SEMA3A: variants seen among roughly 807,000 people sequenced by gnomAD.
SEMA3A encodes semaphorin 3A, also known as semaphorin-3A.
Under a neutral mutation model 97.9 loss-of-function variants are expected in SEMA3A, and 29 were observed. The observed-to-expected ratio is 0.30, with a 90% CI of 0.22 to 0.40. SEMA3A has a LOEUF of 0.40. SEMA3A is among the 10% of genes least tolerant of loss of function. The pLI, the probability that SEMA3A is intolerant of heterozygous loss-of-function variation, is 1.00. For missense variants in SEMA3A, 763 were observed against 951.3 expected (o/e 0.80, Z 2.60); for synonymous variants, 321 against 323.7 (o/e 0.99, Z 0.09).
Position 84,011,017 on chromosome 7 carries a change from C to T in SEMA3A, c.995+5G>A, listed in dbSNP as rs2116412463. The stretch of plus-strand genomic sequence containing the variant: ...TTTCTATAAGGTAGTTAAAAAGTTA[C>T]TTACCTGGAAGTCGTAAACACTCCA... On this transcript the variant is annotated splice_donor_5th_base_variant and intron_variant, in intron 9 of 16. Transcript: ENST00000265362. The T allele has an allele frequency of 6.3e-7, 1 of 1,589,996 alleles. No individual in the cohort carries two copies. The highest frequency in any genetic ancestry group is 1.1e-5 in the South Asian group (1 of 89,656).
chr7:84,087,197 G>C (rs1427604971), intron 4 of SEMA3A, among the ~76,000 whole-genome samples: 1 of 152,064 alleles, frequency 6.6e-6, no homozygotes, highest in Non-Finnish European at 1.5e-5. Context: ...TGTAGTAAGA[G>C]GTTAGTACTC....
At chr7:84,323,458 T>C (rs1484274025) in intron 2 of SEMA3A, among the ~76,000 whole-genome samples, 1 of 152,136 alleles carries the variant, frequency 6.6e-6, no homozygotes, top group Non-Finnish European at 1.5e-5. Context: ...GTACAATTCC[T>C]TTCTTATAAA....
chr7:84,079,774 C>A (rs1794084736), intron 4 of SEMA3A, among the ~76,000 whole-genome samples: 1 of 115,798 alleles, frequency 8.6e-6, no homozygotes, highest in African/African-American at 4.4e-5. Context: ...ACTAGTTCAA[C>A]CATTGTGGAA....
At chr7:84,196,341 G>A (rs1312574672), upstream of SEMA3A, among the ~76,000 whole-genome samples, 2 of 145,482 alleles carry the variant, frequency 1.4e-5, no homozygotes, top group East Asian at 2.1e-4. Context: ...CACAGCGCTC[G>A]CTCGCTCTGC....
chr7:84,091,124 G>A (rs369426283), intron 4 of SEMA3A, among the ~76,000 whole-genome samples: 7 of 51,036 alleles, frequency 1.4e-4, no homozygotes, highest in East Asian at 6.0e-4. Context: ...GAAAGAAAAA[G>A]AAAGAAAGAA....
intron 1 of SEMA3A, among the ~76,000 whole-genome samples, chr7:84,381,501 T>A (rs1442476664): frequency 6.6e-6 from 1 of 152,136 alleles, no homozygotes; most frequent in African/African-American, 2.4e-5. Flanking sequence ...TAACTCAAAA[T>A]CTCTGGCCTT....
At chr7:84,062,428 G>A (rs1204632860) in intron 4 of SEMA3A, among the ~76,000 whole-genome samples, 3 of 152,198 alleles carry the variant, frequency 2.0e-5, no homozygotes, top group East Asian at 1.9e-4. Context: ...CAAGATGGCC[G>A]AATAGGAACA....
chr7:83,990,993 C>A (rs1461121399), intron 12 of SEMA3A, among the ~76,000 whole-genome samples: 46 of 151,790 alleles, frequency 3.0e-4, no homozygotes, highest in South Asian at 2.1e-4. Flanking sequence ...CTTTTATTTC[C>A]TTGAGCAGTG....
At chr7:84,380,148 C>T (rs1478016580) in intron 1 of SEMA3A, among the ~76,000 whole-genome samples, 1 of 152,094 alleles carries the variant, frequency 6.6e-6, no homozygotes, top group Non-Finnish European at 1.5e-5. Flanking sequence ...TAATTATTTA[C>T]ATCATAACAA....
chr7:84,231,481 G>C (rs544701792), intron 3 of SEMA3A, among the ~76,000 whole-genome samples: 1 of 151,980 alleles, frequency 6.6e-6, no homozygotes, highest in Admixed American at 6.6e-5. Context: ...ATTTTTCTGG[G>C]AGTGGAAAGT....
intron 3 of SEMA3A, among the ~76,000 whole-genome samples, chr7:84,215,175 T>TTTTA (rs201565967): frequency 0.034 from 5,086 of 151,182 alleles, 111 homozygotes; most frequent in South Asian, 0.046. Flanking sequence ...CTGGCCCTTA[T>TTTTA]TTTATTTATT....
At chr7:84,119,534 C>A (rs1055304333) in intron 3 of SEMA3A, among the ~76,000 whole-genome samples, 1 of 152,072 alleles carries the variant, frequency 6.6e-6, no homozygotes, top group Admixed American at 6.6e-5. Context: ...AGTGTTATTG[C>A]ACAAATGATT....
intron 3 of SEMA3A, among the ~76,000 whole-genome samples, chr7:84,270,575 T>C (rs1187143433): frequency 4.7e-5 from 7 of 147,704 alleles, no homozygotes; most frequent in Non-Finnish European, 7.5e-5. Context: ...ATAATTCATA[T>C]TCATAAATAT....
chr7:84,471,851 C>T (rs1407432533), intron 1 of SEMA3A, among the ~76,000 whole-genome samples: 1 of 151,726 alleles, frequency 6.6e-6, no homozygotes, highest in East Asian at 1.9e-4. Flanking sequence ...ATCCCTTATT[C>T]CAATACAAAT....
chr7:84,073,853 TAAAAAAAGCTAAAAAAAAAA>T (rs1241788187), intron 4 of SEMA3A, among the ~76,000 whole-genome samples: 19 of 93,008 alleles, frequency 2.0e-4, no homozygotes, highest in African/African-American at 1.2e-3. Context: ...AGCTATGGCT[TAAAAAAAGCTAAAAAAAAAA>T]AAAAAAAGCT....
At chr7:84,091,757 A>G (rs1365238687) in intron 4 of SEMA3A, among the ~76,000 whole-genome samples, 1 of 152,202 alleles carries the variant, frequency 6.6e-6, no homozygotes, top group Non-Finnish European at 1.5e-5. Context: ...ATGAATATCC[A>G]GAAACTTAAT....
At chr7:84,215,592 C>G (rs1362977890) in intron 3 of SEMA3A, among the ~76,000 whole-genome samples, 1 of 151,742 alleles carries the variant, frequency 6.6e-6, no homozygotes, top group Non-Finnish European at 1.5e-5. Context: ...ACCCACAGCC[C>G]TTATTGCCAT....
At chr7:84,192,658 C>T (rs1584108175) in intron 1 of SEMA3A, among the ~76,000 whole-genome samples, 2 of 151,974 alleles carry the variant, frequency 1.3e-5, no homozygotes, top group East Asian at 3.9e-4. Flanking sequence ...GAACAAGTGC[C>T]TCCTCTATCA....
chr7:84,474,933 A>G (rs1219612335), intron 1 of SEMA3A, among the ~76,000 whole-genome samples: 3 of 152,208 alleles, frequency 2.0e-5, no homozygotes, highest in Non-Finnish European at 4.4e-5. Context: ...GTGAAGAGAA[A>G]CTATAAAGAG....
Sources: allele counts gnomAD v4.1 joint callset (sites outside exome capture counted in the v4.1 genomes callset), GRCh38; gene constraint gnomAD v4.1.1; transcripts MANE v1.5; gene names NCBI Gene and HGNC (gene_info 2026-07-23, HGNC 2026-07-21).